DGKB: variants seen among roughly 807,000 people sequenced by gnomAD.
DGKB encodes 90 kDa diacylglycerol kinase.
A neutral mutation model predicts 114.3 loss-of-function variants in DGKB; 67 were observed. The ratio of observed to expected loss-of-function variants is 0.59; its 90% CI spans 0.48 to 0.72. The LOEUF (loss-of-function observed/expected upper bound fraction) is 0.72, where lower values mean the gene tolerates loss of function less well. Ranked by LOEUF, DGKB falls within the 30% of genes least tolerant of loss-of-function variation. DGKB has a pLI of 0.00. For missense variants in DGKB, 907 were observed against 975.2 expected (o/e 0.93, Z 0.93); for synonymous variants, 398 against 323.1 (o/e 1.23, Z -2.49).
At chr7:14,899,337 A>T (rs1782613316) in intron 1 of DGKB, among the ~76,000 whole-genome samples, 1 of 152,146 alleles carries the variant, frequency 6.6e-6, no homozygotes, top group African/African-American at 2.4e-5. Context: ...TAAAAAGAGT[A>T]TGTAAAGGAG....
intron 14 of DGKB, among the ~76,000 whole-genome samples, chr7:14,625,997 T>A (rs1180343910): frequency 6.6e-6 from 1 of 151,896 alleles, no homozygotes; most frequent in African/African-American, 2.4e-5. Flanking sequence ...AGAATAATCA[T>A]CATCATAAAC....
intron 1 of DGKB, among the ~76,000 whole-genome samples, chr7:14,887,449 T>C (rs1418229395): frequency 2.6e-5 from 4 of 151,966 alleles, no homozygotes; most frequent in South Asian, 4.2e-4. Context: ...AGGCTTAGCA[T>C]TGGACCTTCT....
intron 5 of DGKB, among the ~76,000 whole-genome samples, chr7:14,727,999 T>C (rs557032821): frequency 6.6e-6 from 1 of 152,312 alleles, no homozygotes; most frequent in African/African-American, 2.4e-5. Context: ...TTGATTAACT[T>C]CCTGACAGAC....
chr7:14,244,589 G>C (rs1214425368), intron 23 of DGKB, among the ~76,000 whole-genome samples: 1 of 146,028 alleles, frequency 6.8e-6, no homozygotes, highest in Non-Finnish European at 1.5e-5. Flanking sequence ...GGAATCGCTT[G>C]AATCTGGGAG....
chr7:14,161,148 A>G (rs1783819334), intron 25 of DGKB, among the ~76,000 whole-genome samples: 1 of 152,204 alleles, frequency 6.6e-6, no homozygotes, highest in Non-Finnish European at 1.5e-5. Flanking sequence ...GCGATCATTA[A>G]AAAGTCAGGA....
At chr7:14,498,212 A>G (rs1443340571) in intron 20 of DGKB, among the ~76,000 whole-genome samples, 1 of 151,844 alleles carries the variant, frequency 6.6e-6, no homozygotes, top group Non-Finnish European at 1.5e-5. Context: ...GCCACCTTAC[A>G]CATTCTCCTT....
At chr7:14,303,848 T>C (rs918624502) in intron 23 of DGKB, among the ~76,000 whole-genome samples, 1 of 152,138 alleles carries the variant, frequency 6.6e-6, no homozygotes, top group African/African-American at 2.4e-5. Context: ...TCATGCACTT[T>C]GCTTGCATTT....
At position 14,252,661 on chromosome 7, in the gene DGKB, C is replaced by T. The variant is rs980476118; in HGVS notation, c.2123-74510G>A. ...CTTGTCCCTAGGCCTTGTCTCAAGG[C>T]CTGAAGCCTTGGACCGTGGGGCAGG... On this transcript the variant is annotated intron_variant, in intron 23 of 25. Transcript: ENST00000402815. 2.6e-5 allele frequency among the ~76,000 whole-genome samples: 4 copies of T among 152,228 alleles called. No individual in the cohort carries two copies. In the South Asian group the frequency reaches 6.2e-4, roughly 24 times the overall value.
At chr7:14,294,979 T>TG (rs1274811216) in intron 23 of DGKB, among the ~76,000 whole-genome samples, 2 of 152,118 alleles carry the variant, frequency 1.3e-5, no homozygotes, top group African/African-American at 4.8e-5. Context: ...TTTTTCCAAA[T>TG]GGAGATGAAC....
chr7:14,816,719 T>A (rs1844209907), intron 2 of DGKB, among the ~76,000 whole-genome samples: 1 of 152,238 alleles, frequency 6.6e-6, no homozygotes, highest in African/African-American at 2.4e-5. Flanking sequence ...ACATGATTTT[T>A]TACATATGCA....
intron 1 of DGKB, among the ~76,000 whole-genome samples, chr7:14,949,060 T>A (rs552942614): frequency 6.6e-6 from 1 of 151,834 alleles, no homozygotes; most frequent in Admixed American, 6.6e-5. Context: ...CTGCAACTCA[T>A]ATGAGCAACA....
chr7:14,248,674 C>G (rs28768835), intron 23 of DGKB, among the ~76,000 whole-genome samples: 8,570 of 152,042 alleles, frequency 0.056, 788 homozygotes, highest in African/African-American at 0.2. Flanking sequence ...AGAAGTGCAA[C>G]TAACTTTTGT....
chr7:14,337,860 C>T lies in DGKB; in HGVS notation c.2122+655G>A, dbSNP rs941503798. Among the ~76,000 whole-genome samples, 4 of 152,198 alleles carry T rather than the reference C, an allele frequency of 2.6e-5. No individual in the cohort carries two copies. In the East Asian group the frequency reaches 7.7e-4, roughly 29 times the overall value. On this transcript the variant is annotated intron_variant, in intron 23 of 25. Transcript: ENST00000402815. The stretch of plus-strand genomic sequence containing the variant: ...CATTGATATCTCTAGTTTATAAAAT[C>T]TCTAAGAATTAGGTATCATGTCCCA...
intron 20 of DGKB, among the ~76,000 whole-genome samples, chr7:14,511,900 A>G (rs1788030585): frequency 6.6e-6 from 1 of 152,212 alleles, no homozygotes; most frequent in Non-Finnish European, 1.5e-5. Context: ...CAGTCAGCGA[A>G]GAAGTCAGAA....
chr7:14,587,788 G>A (rs141232940), intron 17 of DGKB, among the ~76,000 whole-genome samples: 5 of 152,054 alleles, frequency 3.3e-5, no homozygotes, highest in African/African-American at 7.2e-5. Flanking sequence ...CTAATTTTTC[G>A]CAATGAATTA....
intron 20 of DGKB, among the ~76,000 whole-genome samples, chr7:14,561,935 C>T (rs1358105804): frequency 2.0e-5 from 3 of 152,272 alleles, no homozygotes; most frequent in East Asian, 1.9e-4. Context: ...CCAGAGCATG[C>T]GAGAGACATT....
intron 13 of DGKB, among the ~76,000 whole-genome samples, chr7:14,653,831 A>G (rs1815184037): frequency 6.6e-6 from 1 of 152,008 alleles, no homozygotes; most frequent in African/African-American, 2.4e-5. Context: ...CTTCATCCTA[A>G]AATTTCTTCA....
In DGKB at chr7:14,425,166, C is replaced by A. The variant is rs1225764698; in HGVS notation, c.1835+52995G>T. On this transcript the variant is annotated intron_variant, in intron 21 of 25. Coordinates refer to ENST00000402815, the MANE Select transcript of DGKB (RefSeq NM_001350709.2). Reference sequence around the variant, plus strand: ...TTTATTTGCTAATATTCTATCCTCTCAACAACATACTGCTAAACTTTGCTT... The same window carrying A: ...TTTATTTGCTAATATTCTATCCTCTAAACAACATACTGCTAAACTTTGCTT... 2.0e-5 allele frequency among the ~76,000 whole-genome samples: 3 copies of A among 152,012 alleles called. No homozygotes were observed. In the East Asian group the frequency reaches 5.8e-4, roughly 29 times the overall value.
intron 1 of DGKB, among the ~76,000 whole-genome samples, chr7:14,957,884 T>C (rs985422209): frequency 9.2e-5 from 14 of 152,096 alleles, no homozygotes; most frequent in Admixed American, 2.6e-4. Flanking sequence ...TAGTGAAAGT[T>C]CAAAATTTAG....
Sources: allele counts gnomAD v4.1 joint callset (sites outside exome capture counted in the v4.1 genomes callset), GRCh38; gene constraint gnomAD v4.1.1; transcripts MANE v1.5; gene names NCBI Gene and HGNC (gene_info 2026-07-23, HGNC 2026-07-21).